The following PCDHA7 variants were observed in gnomAD, a reference collection of about 807,000 sequenced individuals.
The protein encoded by PCDHA7 is protocadherin alpha 7.
A neutral mutation model predicts 57.2 loss-of-function variants in PCDHA7; 37 were observed. The ratio of observed to expected loss-of-function variants is 0.65; its 90% CI spans 0.50 to 0.85. The LOEUF is 0.85. Ranked by LOEUF, PCDHA7 falls within the 40% of genes least tolerant of loss-of-function variation. The pLI, the probability that PCDHA7 is intolerant of heterozygous loss-of-function variation, is 0.00. For synonymous variants in PCDHA7, 553 were observed against 558.8 expected, an observed-to-expected ratio of 0.99 and a Z score of 0.15; for missense variants, 1,188 against 1,241.8, an observed-to-expected ratio of 0.96 and a Z score of 0.65.
At chr5:140,966,922 G>C (rs782206344) in intron 1 of PCDHA7, 7 of 1,602,954 alleles carry the variant, frequency 4.4e-6, no homozygotes, top group Non-Finnish European at 5.9e-6. Context: ...CAGAGGAGCA[G>C]GCACCCGGCG....
rs1368694746 is a variant in PCDHA7, at chr5:140,870,609, G to T, written c.2355+33871G>T. ...TGGAGCGGCGGTTGGGCGACCGCGC[G>T]CTGTCGAGCTACGTGTCGGTGCACG... On this transcript the variant is annotated intron_variant, in intron 1 of 3. Coordinates refer to ENST00000525929, the MANE Select transcript of PCDHA7 (RefSeq NM_018910.3). The T allele has an allele frequency of 5.0e-6, 8 of 1,613,114 alleles. No homozygotes were observed. In the East Asian group the frequency reaches 1.8e-4, roughly 36 times the overall value.
At chr5:140,938,322 A>G (rs1467948489) in intron 1 of PCDHA7, among the ~76,000 whole-genome samples, 1 of 152,240 alleles carries the variant, frequency 6.6e-6, no homozygotes, top group Admixed American at 6.5e-5. Context: ...ATTGAATAGA[A>G]GTAATGTTAA....
chr5:140,877,218 G>C (rs781819579), intron 1 of PCDHA7: 1 of 1,613,726 alleles, frequency 6.2e-7, no homozygotes, highest in South Asian at 1.1e-5. Context: ...AGTTGGTACC[G>C]CGGTCGGTGG....
At chr5:140,884,239 C>A (rs781996098) in intron 1 of PCDHA7, 1 of 1,613,424 alleles carries the variant, frequency 6.2e-7, no homozygotes, top group South Asian at 1.1e-5. Flanking sequence ...ACGGTGAGCC[C>A]GCGCTGACGG....
intron 3 of PCDHA7, among the ~76,000 whole-genome samples, chr5:141,000,409 ATATATATATATATTT>A (rs2097918498): frequency 1.1e-5 from 1 of 94,040 alleles, no homozygotes; most frequent in East Asian, 3.1e-4. Flanking sequence ...ATATATATAT[ATATATATATATATTT>A]TTTTTTTTTT....
intron 1 of PCDHA7, among the ~76,000 whole-genome samples, chr5:140,879,438 A>C (rs2057989809): frequency 6.6e-6 from 1 of 152,214 alleles, no homozygotes; most frequent in South Asian, 2.1e-4. Context: ...ACATTTAAGA[A>C]AATGTTACTT....
At chr5:140,876,360 T>C in intron 1 of PCDHA7, 1 of 1,613,962 alleles carries the variant, frequency 6.2e-7, no homozygotes, top group Non-Finnish European at 8.5e-7. Context: ...TTTCAATAAA[T>C]CCAGACACAG....
chr5:140,906,021 A>G (rs1422492231), intron 1 of PCDHA7, among the ~76,000 whole-genome samples: 1 of 152,182 alleles, frequency 6.6e-6, no homozygotes, highest in African/African-American at 2.4e-5. Context: ...TAATCTCTCC[A>G]CGTTCTTCTG....
rs550730996 is a variant in PCDHA7, at chr5:140,982,280, G to T, written c.2415-195G>T. The T allele has an allele frequency of 2.1e-5, 21 of 1,007,278 alleles. No homozygotes were observed. The Admixed American group carries it at 5.3e-4, about 25-fold the overall frequency. 62.4% of individuals were successfully genotyped at this position (1,007,278 alleles called of 1,614,324 possible). A position where few individuals can be genotyped will look rare whatever the true frequency, so the allele number is the denominator to read the frequency against. ...GTGTGTTCCTGGAATAGTATAGCAGGCAATAAGTAAGTCAGCAATGCTTCT... is the reference window on the plus strand; with the variant it reads ...GTGTGTTCCTGGAATAGTATAGCAGTCAATAAGTAAGTCAGCAATGCTTCT... On this transcript the variant is annotated intron_variant, in intron 2 of 3. Transcript: ENST00000525929.
rs1164686105 is a variant in PCDHA7, at chr5:140,836,654, G to A, written c.2271G>A (p.Arg757=). 4.3e-6 allele frequency: 7 copies of A among 1,613,324 alleles called. No homozygotes were observed. Among genetic ancestry groups the A allele is most frequent in the Middle Eastern group, 1.6e-4 (1 of 6,084 alleles). The change falls in exon 1 of 4, where the codon AGG becomes AGA. Residue 757 remains arginine (R), a synonymous_variant. Coordinates refer to ENST00000525929, the MANE Select transcript of PCDHA7 (RefSeq NM_018910.3). ...CATTCTCCCAGCAGAGGCGGCAGAG[G>A]GTGTGCTCTGGGGAGGGCCCACCCA... is the stretch of plus-strand genomic sequence containing the variant. ...SWSFSQQRRQ[R]VCSGEGPPKT...
chr5:140,955,839 A>G (rs527318905), intron 1 of PCDHA7, among the ~76,000 whole-genome samples: 8 of 152,162 alleles, frequency 5.3e-5, no homozygotes, highest in African/African-American at 1.9e-4. Flanking sequence ...GTGGTTTGTC[A>G]TTCTCCTTGA....
intron 1 of PCDHA7, among the ~76,000 whole-genome samples, chr5:140,915,100 CACA>C (rs2076984171): frequency 6.6e-6 from 1 of 151,988 alleles, no homozygotes; most frequent in African/African-American, 2.4e-5. Context: ...CACGCACCAC[CACA>C]ACACCCACCT....
chr5:140,857,657 C>A (rs1207727837), intron 1 of PCDHA7: 1 of 1,596,626 alleles, frequency 6.3e-7, no homozygotes. Flanking sequence ...GGTGAGCGCG[C>A]GCGATGGGGG....
At chr5:140,961,479 C>G (rs2095615905) in intron 1 of PCDHA7, among the ~76,000 whole-genome samples, 1 of 152,108 alleles carries the variant, frequency 6.6e-6, no homozygotes, top group Non-Finnish European at 1.5e-5. Context: ...TTTGTCTTGT[C>G]CACGTGAGTA....
chr5:140,983,766 T>C (rs1554245666), intron 3 of PCDHA7, among the ~76,000 whole-genome samples: 2 of 152,206 alleles, frequency 1.3e-5, no homozygotes, highest in African/African-American at 4.8e-5. Flanking sequence ...TTCAAATACA[T>C]ATCTACATAC....
chr5:140,929,410 CACA>C (rs2153600762), intron 1 of PCDHA7: 2 of 1,505,808 alleles, frequency 1.3e-6, no homozygotes, highest in East Asian at 2.3e-5. Context: ...ACAAGCCTTT[CACA>C]ACATTTCATC....
intron 1 of PCDHA7, among the ~76,000 whole-genome samples, chr5:140,904,820 A>C (rs2071403823): frequency 6.6e-6 from 1 of 152,014 alleles, no homozygotes; most frequent in African/African-American, 2.4e-5. Flanking sequence ...GATGTTGAGC[A>C]TTTTTTTATA....
Position 141,010,339 on chromosome 5 carries a change from A to C in PCDHA7, c.*402A>C. ...TTGAGCAGCTTGGGAGTTTGTGGCCACTGGGTATGTGTGGCTACCGCGGGT... is the reference window on the plus strand; with the variant it reads ...TTGAGCAGCTTGGGAGTTTGTGGCCCCTGGGTATGTGTGGCTACCGCGGGT... On this transcript the variant is annotated 3_prime_UTR_variant, in exon 4 of 4. Coordinates refer to ENST00000525929, the MANE Select transcript of PCDHA7 (RefSeq NM_018910.3). 6.5e-7 allele frequency: 1 copy of C among 1,534,060 alleles called. No homozygotes were observed. The highest frequency in any genetic ancestry group is 8.8e-7 in the Non-Finnish European group (1 of 1,140,682).
rs576230620 is a variant in PCDHA7 at position 140,948,680 on chromosome 5, T to C, written c.2356-30269T>C. 2.0e-5 allele frequency among the ~76,000 whole-genome samples: 3 copies of C among 151,762 alleles called. No homozygotes were observed. The South Asian group carries it at 6.2e-4, about 31-fold the overall frequency. On this transcript the variant is annotated intron_variant, in intron 1 of 3. Coordinates refer to ENST00000525929, the MANE Select transcript of PCDHA7 (RefSeq NM_018910.3). Reference sequence around the variant, plus strand: ...ATCTGTAGTGATAACATCTTTTTCATTTTTGATATTGGTGATTTGTGTTCT... The same window carrying C: ...ATCTGTAGTGATAACATCTTTTTCACTTTTGATATTGGTGATTTGTGTTCT...
Sources: allele counts gnomAD v4.1 joint callset (sites outside exome capture counted in the v4.1 genomes callset), GRCh38; gene constraint gnomAD v4.1.1; transcripts MANE v1.5; gene names NCBI Gene and HGNC (gene_info 2026-07-23, HGNC 2026-07-21).